OLA1: variants seen among roughly 807,000 people sequenced by gnomAD.
OLA1 encodes the protein Obg like ATPase 1.
OLA1 carries 14 observed loss-of-function variants against 48.4 expected under a neutral mutation model. That is an observed-to-expected ratio of 0.29 (90% confidence interval 0.19 to 0.45). The LOEUF is 0.45. Among genes scored for constraint, OLA1 ranks in the 20% least tolerant of loss-of-function variants. OLA1 has a pLI of 1.00. For missense variants in OLA1, 325 were observed against 467.1 expected, an observed-to-expected ratio of 0.70 and a Z score of 2.80; for synonymous variants, 127 against 150.4, an observed-to-expected ratio of 0.84 and a Z score of 1.14.
chr2:174,142,102 A>C, intron 4 of OLA1, 102 bp from the exon 5 acceptor site: 2 of 1,022,964 alleles, frequency 2.0e-6, no homozygotes, highest in East Asian at 5.3e-5. Flanking sequence ...AAATATAATA[A>C]ATAAATTACT....
chr2:174,245,073 T>C (rs2105469115), intron 2 of OLA1, among the ~76,000 whole-genome samples: 1 of 152,348 alleles, frequency 6.6e-6, no homozygotes, highest in Non-Finnish European at 1.5e-5. Context: ...CAAGTTGTAG[T>C]AACTGCAACA....
intron 4 of OLA1, among the ~76,000 whole-genome samples, chr2:174,185,289 C>T (rs967371499): frequency 6.6e-6 from 1 of 152,062 alleles, no homozygotes; most frequent in African/African-American, 2.4e-5. Context: ...AAAACACAAA[C>T]ACATATTCTC....
intron 5 of OLA1, among the ~76,000 whole-genome samples, chr2:174,124,866 A>G (rs1436997396): frequency 2.0e-5 from 3 of 152,176 alleles, no homozygotes; most frequent in African/African-American, 7.2e-5. Flanking sequence ...AACAGGAAAA[A>G]TAAGGAAAAA....
chr2:174,078,683 C>A (rs868651457), intron 10 of OLA1, among the ~76,000 whole-genome samples: 1 of 151,762 alleles, frequency 6.6e-6, no homozygotes. Flanking sequence ...TGAACAAATT[C>A]TTCGAAATTA....
Position 174,233,741 on chromosome 2 carries a change from C to A in OLA1, c.102-4290G>T, listed in dbSNP as rs537494468. Among the ~76,000 whole-genome samples, 9 of 152,224 alleles carry A rather than the reference C, an allele frequency of 5.9e-5. No individual in the cohort carries two copies. In the South Asian group the frequency reaches 1.9e-3, roughly 32 times the overall value. On this transcript the variant is annotated intron_variant, in intron 2 of 10. Transcript: ENST00000284719. ...CAAACTCAAATGGATAAATATTATA[C>A]AAAATACCTAACCAGTACTCTTCAA...
At chr2:174,155,470 T>C (rs1467031935) in intron 4 of OLA1, among the ~76,000 whole-genome samples, 2 of 152,090 alleles carry the variant, frequency 1.3e-5, no homozygotes, top group African/African-American at 4.8e-5. Context: ...AGCATATCAA[T>C]CACAAAAATT....
chr2:174,240,872 C>T (rs533412458), intron 2 of OLA1, among the ~76,000 whole-genome samples: 5 of 152,272 alleles, frequency 3.3e-5, no homozygotes, highest in Non-Finnish European at 7.4e-5. Flanking sequence ...AACACATAGA[C>T]ATCACATATT....
intron 2 of OLA1, among the ~76,000 whole-genome samples, chr2:174,243,919 C>T (rs1187439852): frequency 2.0e-5 from 3 of 152,228 alleles, no homozygotes; most frequent in Non-Finnish European, 2.9e-5. Context: ...TTTAGAGAAC[C>T]GTCTCCCTCC....
chr2:174,215,987 C>T (rs1018094112), intron 4 of OLA1, among the ~76,000 whole-genome samples: 7 of 151,998 alleles, frequency 4.6e-5, no homozygotes, highest in Non-Finnish European at 7.4e-5. Flanking sequence ...TCATCATGGT[C>T]GCAATACTAT....
At chr2:174,146,617 A>G (rs1686606892) in intron 4 of OLA1, among the ~76,000 whole-genome samples, 1 of 152,248 alleles carries the variant, frequency 6.6e-6, no homozygotes, top group African/African-American at 2.4e-5. Flanking sequence ...AGGGAGGAGA[A>G]GAACTTGGCA....
At chr2:174,143,661 A>T (rs148043685) in intron 4 of OLA1, among the ~76,000 whole-genome samples, 1 of 152,346 alleles carries the variant, frequency 6.6e-6, no homozygotes, top group East Asian at 1.9e-4. Context: ...CCCAATTTTA[A>T]CCAAGTGGAT....
intron 7 of OLA1, among the ~76,000 whole-genome samples, chr2:174,099,830 A>G (rs1685351096): frequency 6.6e-6 from 1 of 152,202 alleles, no homozygotes; most frequent in South Asian, 2.1e-4. Flanking sequence ...TAATTGACTT[A>G]AGTCCATTTT....
intron 7 of OLA1, among the ~76,000 whole-genome samples, chr2:174,109,297 T>C (rs1326719784): frequency 1.3e-5 from 2 of 152,168 alleles, no homozygotes; most frequent in African/African-American, 4.8e-5. Flanking sequence ...TCTACCCCAC[T>C]GGTCTTTAAG....
chr2:174,136,507 G>T (rs1032468331), intron 5 of OLA1, among the ~76,000 whole-genome samples: 1 of 152,050 alleles, frequency 6.6e-6, no homozygotes, highest in Non-Finnish European at 1.5e-5. Flanking sequence ...CATGTCTTCA[G>T]GTTCCACATC....
At chr2:174,128,446 T>C (rs1028978978) in intron 5 of OLA1, among the ~76,000 whole-genome samples, 106 of 151,156 alleles carry the variant, frequency 7.0e-4, no homozygotes, top group African/African-American at 2.5e-3. Context: ...AAATAAAATA[T>C]AGGCTGGGCA....
intron 4 of OLA1, among the ~76,000 whole-genome samples, chr2:174,151,078 C>T (rs1485100017): frequency 1.3e-5 from 2 of 151,026 alleles, no homozygotes; most frequent in Non-Finnish European, 2.9e-5. Flanking sequence ...ATAGGGAAGT[C>T]CAAATATCAG....
chr2:174,234,672 C>T (rs1428454339), intron 2 of OLA1, among the ~76,000 whole-genome samples: 2 of 152,112 alleles, frequency 1.3e-5, no homozygotes, highest in African/African-American at 4.8e-5. Context: ...CCCTGTTGCA[C>T]AGGCTGGTCT....
chr2:174,235,383 T>C (rs918702127), intron 2 of OLA1, among the ~76,000 whole-genome samples: 5 of 152,176 alleles, frequency 3.3e-5, no homozygotes, highest in Admixed American at 2.6e-4. Context: ...CAGTAAGATT[T>C]AAATTCATTT....
intron 4 of OLA1, among the ~76,000 whole-genome samples, chr2:174,146,161 G>C (rs1686592993): frequency 6.6e-6 from 1 of 151,226 alleles, no homozygotes; most frequent in Non-Finnish European, 1.5e-5. Context: ...GGAAGATAAA[G>C]AGTTTAAGGT....
Sources: gnomAD v4.1 joint callset for allele counts (sites outside exome capture counted in the v4.1 genomes callset) on GRCh38, gnomAD v4.1.1 for gene constraint, MANE v1.5 for transcripts, NCBI Gene and HGNC (gene_info 2026-07-23, HGNC 2026-07-21) for gene names.